LUZP1: variants seen among roughly 807,000 people sequenced by gnomAD.
LUZP1 encodes the protein leucine zipper protein 1.
In LUZP1, 25 loss-of-function variants were observed where a neutral mutation model predicts 71.3. That is an observed-to-expected ratio of 0.35 (90% CI 0.26 to 0.49). The LOEUF is 0.49. Ranked by LOEUF, LUZP1 falls within the 20% of genes least tolerant of loss-of-function variation. The pLI, the probability that LUZP1 is intolerant of heterozygous loss-of-function variation, is 0.99. For missense variants in LUZP1, 1,142 were observed against 1,300.8 expected (o/e 0.88, Z 1.88); for synonymous variants, 481 against 506.4 (o/e 0.95, Z 0.67).
chr1:23,091,512 T>A, exon 4 of LUZP1: 2 of 1,614,184 alleles, frequency 1.2e-6, no homozygotes, highest in Non-Finnish European at 1.7e-6. Flanking sequence ...CACAGTAACA[T>A]GTCTGGCATC....
At chr1:23,107,425 G>A (rs767577893) in intron 3 of LUZP1, among the ~76,000 whole-genome samples, 1 of 152,128 alleles carries the variant, frequency 6.6e-6, no homozygotes, top group African/African-American at 2.4e-5. Flanking sequence ...ACTTAGTTCC[G>A]ATAACTAAAG....
rs551859040 is a variant in LUZP1, at chr1:23,087,850, A to C, written c.*1045T>G. Reference sequence around the variant, plus strand: ...GTCGACTTGCAGAAATCCGGGGCCCACTTCTGTAGGAATGCATCAGCTTGG... The same window carrying C: ...GTCGACTTGCAGAAATCCGGGGCCCCCTTCTGTAGGAATGCATCAGCTTGG... On this transcript the variant is annotated 3_prime_UTR_variant, in exon 5 of 5. Transcript: ENST00000302291. The C allele has an allele frequency of 4.6e-5, 7 of 152,712 alleles. No homozygotes were observed. The East Asian group carries it at 1.2e-3, about 25-fold the overall frequency. 9.5% of individuals were successfully genotyped at this position (152,712 alleles called of 1,614,324 possible).
intron 2 of LUZP1, among the ~76,000 whole-genome samples, chr1:23,110,416 A>G (rs1644018456): frequency 6.6e-6 from 1 of 152,182 alleles, no homozygotes; most frequent in African/African-American, 2.4e-5. Context: ...ATGGAAAGGT[A>G]GCTTCTAAGC....
intron 2 of LUZP1, among the ~76,000 whole-genome samples, chr1:23,137,537 AG>A (rs1352771922): frequency 2.0e-5 from 3 of 152,100 alleles, no homozygotes; most frequent in Non-Finnish European, 4.4e-5. Flanking sequence ...GCTACTCAGG[AG>A]GCTGAGGCAG....
At chr1:23,122,297 T>G (rs1371143774) in intron 2 of LUZP1, among the ~76,000 whole-genome samples, 1 of 152,100 alleles carries the variant, frequency 6.6e-6, no homozygotes, top group Non-Finnish European at 1.5e-5. Flanking sequence ...GTCAAGTTAA[T>G]TGGAAAAATA....
rs58910170 is a variant in LUZP1, at chr1:23,149,079, T to TAAAA, written c.-226+19683_-226+19686dup. ...CCAGGTGACAGAGTGACACCTTGCCTAAAAAAAAAAAAAAAAAAAAAAAAA... is the reference window on the plus strand; with the variant it reads ...CCAGGTGACAGAGTGACACCTTGCCTAAAAAAAAAAAAAAAAAAAAAAAAAAAAA... On this transcript the variant is annotated intron_variant, in intron 2 of 4. Coordinates refer to ENST00000302291, the Ensembl canonical transcript of LUZP1. Among the ~76,000 whole-genome samples the TAAAA allele has an allele frequency of 5.8e-3, 217 of 37,396 alleles. 3 individuals carry two copies. Among genetic ancestry groups the TAAAA allele is most frequent in the South Asian group, 8.6e-3 (7 of 816 alleles). 24.5% of individuals were successfully genotyped at this position (37,396 alleles called of 152,430 possible). A position where few individuals can be genotyped will look rare whatever the true frequency, so the allele number is the denominator to read the frequency against.
intron 2 of LUZP1, among the ~76,000 whole-genome samples, chr1:23,161,390 A>G (rs1343641595): frequency 6.6e-6 from 1 of 152,230 alleles, no homozygotes; most frequent in Non-Finnish European, 1.5e-5. Context: ...GCAGCCATGC[A>G]AAGAGCAGGG....
At chr1:23,091,760 A>C (rs1377421865) in exon 4 of LUZP1, 4 of 1,613,902 alleles carry the variant, frequency 2.5e-6, no homozygotes, top group Admixed American at 1.7e-5. Context: ...CATGGTTGCT[A>C]ACTGATGTGA....
intron 1 of LUZP1, among the ~76,000 whole-genome samples, chr1:23,174,115 CAA>C (rs1644569564): frequency 2.6e-5 from 4 of 152,046 alleles, no homozygotes; most frequent in Non-Finnish European, 5.9e-5. Context: ...AGAAGTCCCA[CAA>C]TCTGCCTTTT....
At chr1:23,172,808 C>T (rs951456240) in intron 1 of LUZP1, among the ~76,000 whole-genome samples, 8 of 151,338 alleles carry the variant, frequency 5.3e-5, no homozygotes, top group Non-Finnish European at 1.0e-4. Flanking sequence ...AGCCACCATG[C>T]CCAGCCAAAA....
exon 5 of LUZP1, chr1:23,089,007 T>G: frequency 6.2e-7 from 1 of 1,614,148 alleles, no homozygotes; most frequent in Non-Finnish European, 8.5e-7. Flanking sequence ...CAGGGAGTTG[T>G]GCAGTTGCCT....
At chr1:23,101,092 A>C (rs937108610) in intron 3 of LUZP1, among the ~76,000 whole-genome samples, 1 of 152,224 alleles carries the variant, frequency 6.6e-6, no homozygotes, top group African/African-American at 2.4e-5. Flanking sequence ...ATAAAGGAAC[A>C]AATAAGTACA....
At chr1:23,171,397 A>T (rs1644551948) in intron 1 of LUZP1, among the ~76,000 whole-genome samples, 4 of 152,226 alleles carry the variant, frequency 2.6e-5, no homozygotes, top group Admixed American at 2.6e-4. Flanking sequence ...CATGCCTCCA[A>T]GCTGGGGTCA....
chr1:23,161,369 C>T (rs1385249568), intron 2 of LUZP1, among the ~76,000 whole-genome samples: 1 of 152,178 alleles, frequency 6.6e-6, no homozygotes, highest in African/African-American at 2.4e-5. Flanking sequence ...TACATAAGCT[C>T]AGGCATGAAG....
intron 2 of LUZP1, among the ~76,000 whole-genome samples, chr1:23,149,798 CTG>C (rs1350538922): frequency 3.5e-4 from 53 of 151,806 alleles, no homozygotes; most frequent in Non-Finnish European, 6.9e-4. Context: ...CCCGTCTCTA[CTG>C]AAAATACAAA....
At chr1:23,159,793 T>C (rs191269068) in intron 2 of LUZP1, among the ~76,000 whole-genome samples, 9 of 152,326 alleles carry the variant, frequency 5.9e-5, no homozygotes, top group African/African-American at 2.2e-4. Flanking sequence ...GAGACCAGCC[T>C]GGCCAACATG....
chr1:23,160,255 T>C (rs1644453862), intron 2 of LUZP1, among the ~76,000 whole-genome samples: 1 of 152,216 alleles, frequency 6.6e-6, no homozygotes, highest in African/African-American at 2.4e-5. Flanking sequence ...AGCTTACCCA[T>C]CAGACAAAGC....
chr1:23,125,809 C>T (rs1328095888), intron 2 of LUZP1, among the ~76,000 whole-genome samples: 3 of 152,102 alleles, frequency 2.0e-5, no homozygotes, highest in African/African-American at 4.8e-5. Context: ...TGAAAAGTAA[C>T]GAATCTTAAA....
At chr1:23,172,518 T>A (rs917307570) in intron 1 of LUZP1, among the ~76,000 whole-genome samples, 2 of 151,294 alleles carry the variant, frequency 1.3e-5, no homozygotes, top group African/African-American at 4.8e-5. Flanking sequence ...TTTATTTTTT[T>A]ATTTTTTTTT....
Sources: gnomAD v4.1 joint callset for allele counts (sites outside exome capture counted in the v4.1 genomes callset) on GRCh38, gnomAD v4.1.1 for gene constraint, MANE v1.5 for transcripts, NCBI Gene and HGNC (gene_info 2026-07-23, HGNC 2026-07-21) for gene names.